DTNA: variants seen among roughly 807,000 people sequenced by gnomAD.
DTNA encodes dystrophin-related protein 3.
In DTNA, 43 loss-of-function variants were observed where a neutral mutation model predicts 100.7. The observed-to-expected ratio is 0.43, with a 90% CI of 0.33 to 0.55. DTNA has a LOEUF of 0.55. Ranked by LOEUF, DTNA falls within the 20% of genes least tolerant of loss-of-function variation. The pLI, the probability that DTNA is intolerant of heterozygous loss-of-function variation, is 0.04. For missense variants in DTNA, 798 were observed against 953.9 expected (o/e 0.84, Z 2.15); for synonymous variants, 349 against 347.9 (o/e 1.00, Z -0.04).
chr18:34,807,861 T>G (rs1468622047), intron 5 of DTNA, among the ~76,000 whole-genome samples: 1 of 149,180 alleles, frequency 6.7e-6, no homozygotes, highest in Non-Finnish European at 1.5e-5. Flanking sequence ...TTTTTCTTTT[T>G]TTTTTTCAAA....
chr18:34,558,624 A>G (rs530704958), intron 1 of DTNA, among the ~76,000 whole-genome samples: 1 of 152,174 alleles, frequency 6.6e-6, no homozygotes, highest in Non-Finnish European at 1.5e-5. Flanking sequence ...AGAGAAGAGA[A>G]AGTGATTGGA....
chr18:34,789,119 T>G (rs999774477), intron 3 of DTNA, among the ~76,000 whole-genome samples: 6 of 152,200 alleles, frequency 3.9e-5, no homozygotes, highest in African/African-American at 1.4e-4. Flanking sequence ...GAATGAAACC[T>G]TAATCTCTGT....
intron 1 of DTNA, among the ~76,000 whole-genome samples, chr18:34,549,058 C>T (rs1425476968): frequency 6.6e-6 from 1 of 152,074 alleles, no homozygotes; most frequent in African/African-American, 2.4e-5. Context: ...CCCTCTCAAT[C>T]CCCAAAGAAA....
At chr18:34,713,130 A>T (rs1476943253) in intron 1 of DTNA, among the ~76,000 whole-genome samples, 1 of 152,142 alleles carries the variant, frequency 6.6e-6, no homozygotes, top group Admixed American at 6.5e-5. Context: ...TTCAAATGAA[A>T]AAGAAAGTAA....
At chr18:34,593,157 C>T (rs1006135342) in intron 1 of DTNA, among the ~76,000 whole-genome samples, 8 of 152,104 alleles carry the variant, frequency 5.3e-5, no homozygotes, top group Non-Finnish European at 1.0e-4. Flanking sequence ...CTTTTACCCA[C>T]GTAGAGACAG....
chr18:34,689,001 T>C lies in DTNA; in HGVS notation c.-1-66975T>C, dbSNP rs143998840. 4.5e-3 allele frequency among the ~76,000 whole-genome samples: 686 copies of C among 152,242 alleles called. 5 individuals carry two copies. The highest frequency in any genetic ancestry group is 0.015 in the African/African-American group (637 of 41,550). On this transcript the variant is annotated intron_variant, in intron 1 of 19. Coordinates refer to the DTNA transcript ENST00000283365. Reference sequence around the variant, plus strand: ...GTGTTTTTCACCTCCATCAGGTCATTTATGTTCTTCTCTAAACTGGTTATT... The same window carrying C: ...GTGTTTTTCACCTCCATCAGGTCATCTATGTTCTTCTCTAAACTGGTTATT...
intron 1 of DTNA, among the ~76,000 whole-genome samples, chr18:34,567,177 C>T (rs2047158297): frequency 6.6e-6 from 1 of 152,134 alleles, no homozygotes; most frequent in Non-Finnish European, 1.5e-5. Context: ...CGTCAACTAA[C>T]ATTTTTTTAA....
chr18:34,692,549 G>C (rs543484687), intron 1 of DTNA, among the ~76,000 whole-genome samples: 2 of 152,300 alleles, frequency 1.3e-5, no homozygotes, highest in African/African-American at 4.8e-5. Context: ...TTGTTAGATA[G>C]TGTTAAAATT....
chr18:34,665,725 C>T (rs565940073), intron 1 of DTNA, among the ~76,000 whole-genome samples: 6 of 152,310 alleles, frequency 3.9e-5, no homozygotes, highest in African/African-American at 1.4e-4. Context: ...TTTCTAGCTT[C>T]ATCCATGTCC....
At chr18:34,541,474 T>C (rs905623400) in intron 1 of DTNA, among the ~76,000 whole-genome samples, 10 of 151,980 alleles carry the variant, frequency 6.6e-5, no homozygotes, top group Non-Finnish European at 1.3e-4. Context: ...TGAATAAGTC[T>C]CATGAGGTGT....
At chr18:34,551,364 A>G (rs1332028412) in intron 1 of DTNA, among the ~76,000 whole-genome samples, 2 of 152,126 alleles carry the variant, frequency 1.3e-5, no homozygotes, top group African/African-American at 2.4e-5. Context: ...ACTCAAACCA[A>G]GTTCCCAAAA....
chr18:34,597,986 A>G (rs568723665), intron 1 of DTNA, among the ~76,000 whole-genome samples: 1 of 152,334 alleles, frequency 6.6e-6, no homozygotes, highest in African/African-American at 2.4e-5. Flanking sequence ...CACTCAAAAA[A>G]ATGTTTAAGA....
intron 1 of DTNA, among the ~76,000 whole-genome samples, chr18:34,554,726 C>T (rs1403054247): frequency 1.1e-4 from 16 of 139,998 alleles, no homozygotes; most frequent in Non-Finnish European, 2.2e-4. Flanking sequence ...GGATGAAGCC[C>T]ACTTGATCAT....
intron 1 of DTNA, among the ~76,000 whole-genome samples, chr18:34,625,651 C>T (rs961726063): frequency 2.0e-5 from 3 of 152,080 alleles, no homozygotes; most frequent in Non-Finnish European, 4.4e-5. Flanking sequence ...TTATCAAATA[C>T]ACAATTGTAT....
At chr18:34,498,035 C>T (rs112654426) in intron 1 of DTNA, among the ~76,000 whole-genome samples, 5,509 of 152,186 alleles carry the variant, frequency 0.036, 219 homozygotes, top group African/African-American at 0.096. Context: ...AACCCCAGCA[C>T]TTTGGGAGGC....
intron 1 of DTNA, among the ~76,000 whole-genome samples, chr18:34,714,173 C>G (rs1293246311): frequency 7.9e-5 from 12 of 151,944 alleles, no homozygotes; most frequent in Non-Finnish European, 1.6e-4. Flanking sequence ...TAGGCATGGG[C>G]AAGGACTTCA....
rs547121425 is a variant in DTNA, at chr18:34,821,154, T to A, written c.1001+239T>A. 2.4e-4 allele frequency: 157 copies of A among 650,930 alleles called. 1 individual carries two copies. Among genetic ancestry groups the A allele is most frequent in the Middle Eastern group, 1.2e-3 (5 of 4,096 alleles). 40.3% of individuals were successfully genotyped at this position (650,930 alleles called of 1,614,324 possible). ...ATAATTCACCTGGAGGTGGAAAATATTTCAGAAAGCTTAGTTATAAAATAC... is the reference window on the plus strand; with the variant it reads ...ATAATTCACCTGGAGGTGGAAAATAATTCAGAAAGCTTAGTTATAAAATAC... On this transcript the variant is annotated intron_variant, in intron 9 of 22. Transcript: ENST00000444659.
intron 1 of DTNA, among the ~76,000 whole-genome samples, chr18:34,628,725 T>C (rs565657456): frequency 1.4e-4 from 22 of 152,354 alleles, no homozygotes; most frequent in Non-Finnish European, 2.6e-4. Flanking sequence ...TGAAGTATTA[T>C]TGGATGCCTG....
chr18:34,678,577 A>G (rs2077672478), intron 1 of DTNA, among the ~76,000 whole-genome samples: 1 of 152,128 alleles, frequency 6.6e-6, no homozygotes, highest in Non-Finnish European at 1.5e-5. Context: ...TTGCTGCTTC[A>G]AGCCATCTGG....
Sources: gnomAD v4.1 joint callset for allele counts (sites outside exome capture counted in the v4.1 genomes callset) on GRCh38, gnomAD v4.1.1 for gene constraint, MANE v1.5 for transcripts, NCBI Gene and HGNC (gene_info 2026-07-23, HGNC 2026-07-21) for gene names.